The following MYO3B variants were observed in gnomAD, a reference collection of about 807,000 sequenced individuals.
MYO3B encodes the protein myosin-IIIb.
A neutral mutation model predicts 174.6 loss-of-function variants in MYO3B; 156 were observed. The observed-to-expected ratio is 0.89, with a 90% CI of 0.78 to 1.02. The LOEUF is 1.02. Ranked by LOEUF, MYO3B falls within the 50% of genes least tolerant of loss-of-function variation. The probability of loss-of-function intolerance (pLI) is 0.00; values close to 1 mark genes in which losing one functional copy is unlikely to be tolerated. For synonymous variants in MYO3B, 563 were observed against 569.1 expected (o/e 0.99, Z 0.15); for missense variants, 1,632 against 1,639.4 (o/e 1.00, Z 0.08).
At chr2:170,409,743 A>G (rs1277383907) in intron 22 of MYO3B, among the ~76,000 whole-genome samples, 1 of 152,282 alleles carries the variant, frequency 6.6e-6, no homozygotes, top group African/African-American at 2.4e-5. Flanking sequence ...TACACCAACT[A>G]GAACTTTCTT....
At chr2:170,359,788 A>T (rs115123701) in intron 8 of MYO3B, among the ~76,000 whole-genome samples, 1 of 152,160 alleles carries the variant, frequency 6.6e-6, no homozygotes. Flanking sequence ...GCGCTATTCT[A>T]GTGCTTATAC....
chr2:170,574,094 T>C (rs1004892686), intron 32 of MYO3B, among the ~76,000 whole-genome samples: 1 of 152,150 alleles, frequency 6.6e-6, no homozygotes, highest in Admixed American at 6.5e-5. Context: ...TTCAGAACCC[T>C]GAAGCACTTA....
chr2:170,324,213 T>C (rs2093849069), intron 7 of MYO3B, among the ~76,000 whole-genome samples: 1 of 152,188 alleles, frequency 6.6e-6, no homozygotes, highest in Non-Finnish European at 1.5e-5. Context: ...AAGTCTGTAT[T>C]TGTGGCCCTT....
chr2:170,320,441 A>C (rs1574779877), intron 7 of MYO3B, among the ~76,000 whole-genome samples: 1 of 152,200 alleles, frequency 6.6e-6, no homozygotes, highest in African/African-American at 2.4e-5. Flanking sequence ...GGAGATGTAC[A>C]TTGGTTGCAA....
intron 7 of MYO3B, among the ~76,000 whole-genome samples, chr2:170,281,140 C>T (rs1235671626): frequency 2.0e-5 from 3 of 152,096 alleles, no homozygotes; most frequent in African/African-American, 7.2e-5. Flanking sequence ...TTTGTGTCTT[C>T]TCTGATTTCT....
At chr2:170,234,482 C>T (rs907671325) in intron 6 of MYO3B, among the ~76,000 whole-genome samples, 4 of 152,184 alleles carry the variant, frequency 2.6e-5, no homozygotes, top group African/African-American at 9.7e-5. Flanking sequence ...CCAAAAGGAT[C>T]CACCTTCCAT....
chr2:170,311,801 T>A (rs545116434), intron 7 of MYO3B, among the ~76,000 whole-genome samples: 1 of 152,186 alleles, frequency 6.6e-6, no homozygotes, highest in African/African-American at 2.4e-5. Context: ...AATGTGTGGG[T>A]CCAACTTCGT....
intron 9 of MYO3B, among the ~76,000 whole-genome samples, chr2:170,380,425 G>A (rs946602438): frequency 1.3e-5 from 2 of 152,140 alleles, no homozygotes; most frequent in Non-Finnish European, 2.9e-5. Context: ...TCAGTTATGA[G>A]TAATTCTATT....
At chr2:170,305,379 CT>C in intron 7 of MYO3B, among the ~76,000 whole-genome samples, 1 of 152,204 alleles carries the variant, frequency 6.6e-6, no homozygotes, top group Admixed American at 6.5e-5. Context: ...AAGGTAAGTC[CT>C]CATTTTCCCC....
chr2:170,189,583 T>C (rs1472314289), intron 1 of MYO3B, among the ~76,000 whole-genome samples: 1 of 151,992 alleles, frequency 6.6e-6, no homozygotes, highest in Non-Finnish European at 1.5e-5. Context: ...GCTCACTCAT[T>C]CTTTCTTCTG....
At chr2:170,292,815 A>G (rs1434633454) in intron 7 of MYO3B, among the ~76,000 whole-genome samples, 1 of 152,138 alleles carries the variant, frequency 6.6e-6, no homozygotes, top group African/African-American at 2.4e-5. Context: ...TTCTTTAGCC[A>G]AGTTACAGTA....
chr2:170,335,538 C>T (rs891149970), intron 8 of MYO3B, 88 bp downstream of exon 8: 6 of 1,036,060 alleles, frequency 5.8e-6, no homozygotes, highest in Non-Finnish European at 8.8e-6. Context: ...TTACTTGACA[C>T]TAGAGGTTGT....
intron 25 of MYO3B, among the ~76,000 whole-genome samples, chr2:170,483,021 T>C (rs895890756): frequency 6.6e-6 from 1 of 152,278 alleles, no homozygotes; most frequent in African/African-American, 2.4e-5. Flanking sequence ...CAGCAGCTTT[T>C]CACATAGTCA....
At chr2:170,630,268 G>A (rs561049289) in intron 32 of MYO3B, among the ~76,000 whole-genome samples, 29 of 152,262 alleles carry the variant, frequency 1.9e-4, no homozygotes, top group Admixed American at 3.3e-4. Flanking sequence ...TGCACTTGGC[G>A]CAGTGGGTCC....
intron 32 of MYO3B, among the ~76,000 whole-genome samples, chr2:170,651,055 A>G (rs1243134784): frequency 6.6e-6 from 1 of 152,132 alleles, no homozygotes; most frequent in Non-Finnish European, 1.5e-5. Flanking sequence ...TGCTTCATGT[A>G]ATCGTGCAAT....
chr2:170,449,564 G>A (rs1225564305), intron 23 of MYO3B, among the ~76,000 whole-genome samples: 3 of 152,094 alleles, frequency 2.0e-5, no homozygotes, highest in Non-Finnish European at 4.4e-5. Flanking sequence ...GATCACCTGA[G>A]GTCAGGAGCT....
At chr2:170,354,250 C>T (rs2094101896) in intron 8 of MYO3B, among the ~76,000 whole-genome samples, 1 of 152,184 alleles carries the variant, frequency 6.6e-6, no homozygotes, top group African/African-American at 2.4e-5. Flanking sequence ...TCCCTTTCTC[C>T]TTGTCATCAG....
At chr2:170,460,063 G>A (rs981946952) in intron 23 of MYO3B, among the ~76,000 whole-genome samples, 1 of 152,146 alleles carries the variant, frequency 6.6e-6, no homozygotes, top group African/African-American at 2.4e-5. Flanking sequence ...AGCCCAGAGA[G>A]GGGCTCCCAC....
intron 32 of MYO3B, among the ~76,000 whole-genome samples, chr2:170,560,216 A>G (rs1291833576): frequency 7.2e-5 from 11 of 152,206 alleles, no homozygotes; most frequent in Non-Finnish European, 1.6e-4. Flanking sequence ...TTTTCCCTCG[A>G]TACTACCACA....
Sources: allele counts gnomAD v4.1 joint callset (sites outside exome capture counted in the v4.1 genomes callset), GRCh38; gene constraint gnomAD v4.1.1; transcripts MANE v1.5; gene names NCBI Gene and HGNC (gene_info 2026-07-23, HGNC 2026-07-21).